Variants in VPS51 observed in about 807,000 individuals in gnomAD.
VPS51 encodes VPS51 subunit of GARP complex.
Under a neutral mutation model 65.1 loss-of-function variants are expected in VPS51, and 55 were observed. The observed-to-expected ratio is 0.84, with a 90% CI of 0.68 to 1.06. The LOEUF (loss-of-function observed/expected upper bound fraction) is 1.06. VPS51 is among the 50% of genes least tolerant of loss of function. VPS51 has a pLI of 0.00. For missense variants in VPS51, 943 were observed against 1,101.6 expected, an observed-to-expected ratio of 0.86 and a Z score of 2.04; for synonymous variants, 473 against 489.5, an observed-to-expected ratio of 0.97 and a Z score of 0.44.
In VPS51 at chr11:65,108,704, G is replaced by A. The variant is rs1382546939; in HGVS notation, c.1233G>A (p.Leu411=). The A allele has an allele frequency of 1.7e-5, 27 of 1,604,028 alleles. No individual in the cohort carries two copies. Among genetic ancestry groups the A allele is most frequent in the Non-Finnish European group, 2.2e-5 (26 of 1,177,866 alleles). ...RVARERLGHH[L]QGLRAAFLGC... ...CCCGCGAGCGCCTGGGCCACCACCT[G>A]CAGGGTCTCCGGGCGGCCTTCCTGG... Residue 411 remains leucine (L), a synonymous_variant, in exon 5 of 10, where the codon CTG becomes CTA. Coordinates refer to ENST00000279281, the MANE Select transcript of VPS51 (RefSeq NM_013265.4).
At chr11:65,106,729 C>T (rs899963631) in intron 2 of VPS51, among the ~76,000 whole-genome samples, 7 of 141,252 alleles carry the variant, frequency 5.0e-5, no homozygotes, top group African/African-American at 7.9e-5. Flanking sequence ...CCAGTCTGGG[C>T]GACAGAGCGA....
intron 2 of VPS51, among the ~76,000 whole-genome samples, chr11:65,102,086 C>A (rs1590810758): frequency 1.4e-5 from 2 of 145,054 alleles, no homozygotes; most frequent in African/African-American, 5.1e-5. Flanking sequence ...GTGGCCCAAT[C>A]GGCTCACTGC....
chr11:65,099,859 C>T (rs1010319069), intron 2 of VPS51, among the ~76,000 whole-genome samples: 8 of 152,058 alleles, frequency 5.3e-5, no homozygotes, highest in Admixed American at 4.6e-4. Context: ...TCTTAGCACT[C>T]TGAGAGGCCG....
chr11:65,108,284 G>A lies in VPS51; in HGVS notation c.813G>A (p.Glu271=), dbSNP rs1308028899. 1.2e-6 allele frequency: 2 copies of A among 1,601,994 alleles called. No homozygotes were observed. The highest frequency in any genetic ancestry group is 1.3e-5 in the African/African-American group (1 of 74,784). ...LGEPAEELCE[E]FLAHARGRLE... is the part of the protein sequence containing the mutation. ...AGCCTGCGGAGGAGCTGTGCGAGGA[G>A]TTCCTGGCGCACGCCCGCGGCCGGC... Residue 271 remains glutamate, a synonymous_variant, in exon 5 of 10, where the codon GAG becomes GAA. Coordinates refer to ENST00000279281, the MANE Select transcript of VPS51 (RefSeq NM_013265.4).
At chr11:65,102,861 G>T (rs990031407) in intron 2 of VPS51, among the ~76,000 whole-genome samples, 4 of 152,152 alleles carry the variant, frequency 2.6e-5, no homozygotes, top group Non-Finnish European at 5.9e-5. Context: ...AAATTTTCTT[G>T]CCAGGCACAG....
chr11:65,109,267 C>T lies in VPS51; in HGVS notation c.1444-13C>T, dbSNP rs1590813469. ...AGGGGACCTGCTGTGGACCTGGGCA[C>T]CTTCTCTTGCAGGGTGAGTTCTGCA... On this transcript the variant is annotated splice_polypyrimidine_tract_variant and intron_variant, in intron 5 of 9. Coordinates refer to ENST00000279281, the MANE Select transcript of VPS51 (RefSeq NM_013265.4). The T allele has an allele frequency of 6.2e-7, 1 of 1,605,556 alleles. No individual in the cohort carries two copies. The highest frequency in any genetic ancestry group is 8.5e-7 in the Non-Finnish European group (1 of 1,175,026).
At position 65,108,369 on chromosome 11, in the gene VPS51, G is replaced by A. The variant is rs918286942; in HGVS notation, c.898G>A (p.Val300Met). Residue 300 changes from valine to methionine, a missense_variant, in exon 5 of 10, where the codon GTG (valine) becomes ATG (methionine). Physicochemically the swap from Val to Met is conservative, Grantham distance 21. Coordinates refer to ENST00000279281, the MANE Select transcript of VPS51 (RefSeq NM_013265.4). ...ELGPSPPAPDVLEFTDHGGSG... is the reference protein window; with the variant it reads ...ELGPSPPAPDMLEFTDHGGSG... The stretch of plus-strand genomic sequence containing the variant: ...GGGGCCCTCACCTCCGGCTCCCGAC[G>A]TGTTAGAGTTCACCGACCATGGAGG... 2 of 1,612,146 alleles carry A rather than the reference G, an allele frequency of 1.2e-6. No homozygotes were observed. Among genetic ancestry groups the A allele is most frequent in the African/African-American group, 1.3e-5 (1 of 74,926 alleles).
rs1947850704 is a variant in VPS51 at position 65,107,573 on chromosome 11, CCTCCTA to C, written c.359-7_359-2del. 1 of 1,575,074 alleles carries C rather than the reference CCTCCTA, an allele frequency of 6.3e-7. No homozygotes were observed. Among genetic ancestry groups the C allele is most frequent in the South Asian group, 1.1e-5 (1 of 87,132 alleles). On this transcript the variant is annotated splice_acceptor_variant and splice_polypyrimidine_tract_variant and intron_variant, in intron 2 of 9. Transcript: ENST00000279281. LOFTEE classifies it high-confidence loss of function. This position sits in a 1 kb window ranked among gnomAD's most constrained non-coding sequence, Gnocchi z 4.0. ...GCTCTCCCCTTTTCCCCGCCCCTGC[CCTCCTA>C]GACACCATCCGGAAGATGAAGAACG...
rs566722846 is a variant in VPS51, at chr11:65,099,724, G to A, written c.358+2597G>A. 7.2e-5 allele frequency among the ~76,000 whole-genome samples: 11 copies of A among 152,284 alleles called. No individual in the cohort carries two copies. In the East Asian group the frequency reaches 1.9e-3, roughly 27 times the overall value. ...AGGTGGGTGGATCACATGAGCCCAGGAGCTGGAGATTGCAGTGAGCTATAA... is the reference window on the plus strand; with the variant it reads ...AGGTGGGTGGATCACATGAGCCCAGAAGCTGGAGATTGCAGTGAGCTATAA... On this transcript the variant is annotated intron_variant, in intron 2 of 9. Transcript: ENST00000279281.
At position 65,111,811 on chromosome 11, in the gene VPS51, C is replaced by T. The variant is rs1311885809; in HGVS notation, c.*224C>T. ...CCCCGAGCGCCGATTGGCTGGTGTGCTGGGCCCAGCATGGGCAGGGGGCGG... is the reference window on the plus strand; with the variant it reads ...CCCCGAGCGCCGATTGGCTGGTGTGTTGGGCCCAGCATGGGCAGGGGGCGG... On this transcript the variant is annotated 3_prime_UTR_variant, in exon 10 of 10. Transcript: ENST00000279281. The T allele has an allele frequency of 1.2e-5, 11 of 942,664 alleles. No homozygotes were observed. Among genetic ancestry groups the T allele is most frequent in the Non-Finnish European group, 1.4e-5 (9 of 645,922 alleles). 58.4% of individuals were successfully genotyped at this position (942,664 alleles called of 1,614,324 possible).
At chr11:65,110,988 C>T in intron 9 of VPS51, 1 of 679,966 alleles carries the variant, frequency 1.5e-6, no homozygotes. Context: ...TTGGTGTATG[C>T]CCAGCCTGAG....
At chr11:65,110,402 A>G (rs1178780438) in intron 7 of VPS51, 80 bp from the exon 8 acceptor site, 1 of 1,606,916 alleles carries the variant, frequency 6.2e-7, no homozygotes, top group Non-Finnish European at 8.5e-7. Context: ...TGAGTAGCTG[A>G]CTTAGGGCAT....
chr11:65,111,777 C>A lies in VPS51; in HGVS notation c.*190C>A. The A allele has an allele frequency of 9.0e-7, 1 of 1,106,380 alleles. No individual in the cohort carries two copies. The highest frequency in any genetic ancestry group is 1.3e-6 in the Non-Finnish European group (1 of 799,544). 68.5% of individuals were successfully genotyped at this position (1,106,380 alleles called of 1,614,324 possible). On this transcript the variant is annotated 3_prime_UTR_variant, in exon 10 of 10. Transcript: ENST00000279281. The stretch of plus-strand genomic sequence containing the variant: ...GCTGAGGCTTCTGAGGCGCCCGCGT[C>A]GGGTCCGCCCCCGAGCGCCGATTGG...
At chr11:65,108,955 T>G in intron 5 of VPS51, 41 bp downstream of exon 5, 1 of 1,603,660 alleles carries the variant, frequency 6.2e-7, no homozygotes, top group Non-Finnish European at 8.5e-7. Flanking sequence ...ACCTGCTGGT[T>G]GACCCTCCAA....
Position 65,096,481 on chromosome 11 carries a change from GT to G in VPS51, c.228+4del, listed in dbSNP as rs745629629. ...ACCCGGAAGTTTACCTAGACAAGGT[GT>G]GTGCGCACGGGGAGTGGGGGGGTGC... is the stretch of plus-strand genomic sequence containing the variant. On this transcript the variant is annotated splice_donor_region_variant and intron_variant, in intron 1 of 9. Transcript: ENST00000279281. The G allele has an allele frequency of 7.4e-7, 1 of 1,344,674 alleles. No homozygotes were observed. The highest frequency in any genetic ancestry group is 1.5e-5 in the African/African-American group (1 of 64,616). The allele number at this position is 1,344,674 out of a possible 1,614,324, so 83.3% of individuals were successfully genotyped here.
chr11:65,101,678 G>C (rs1035589330), intron 2 of VPS51, among the ~76,000 whole-genome samples: 1 of 144,298 alleles, frequency 6.9e-6, no homozygotes, highest in African/African-American at 2.5e-5. Context: ...GAGGTGGAAG[G>C]CTTGTACCTG....
chr11:65,111,137 C>A, intron 9 of VPS51, 190 bp from the exon 10 acceptor site: 2 of 884,490 alleles, frequency 2.3e-6, no homozygotes, highest in Non-Finnish European at 3.6e-6. Context: ...GATTGCTGGG[C>A]CCTACCTGTC....
chr11:65,096,267 C>T lies in VPS51; in HGVS notation c.17C>T (p.Ala6Val). ...GTTGGAACGATGGCGGCGGCAGCTG[C>T]CGCCGGGCCTAGCCCGGGGTCTGGA... The part of the protein sequence containing the change: MAAAA[A>V]AGPSPGSGPG... Residue 6 changes from alanine to valine, a missense_variant, in exon 1 of 10, where the codon GCC becomes GTC. Around this residue, in one of 2 missense-constraint regions of VPS51, gnomAD observed 855 missense variants for 953.7 expected, o/e 0.90. Coordinates refer to ENST00000279281, the MANE Select transcript of VPS51 (RefSeq NM_013265.4). The T allele has an allele frequency of 1.3e-6, 2 of 1,518,640 alleles. No homozygotes were observed. The allele number at this position is 1,518,640 out of a possible 1,614,324, so 94.1% of individuals were successfully genotyped here.
At chr11:65,105,042 G>A (rs1030849835) in intron 2 of VPS51, among the ~76,000 whole-genome samples, 10 of 152,018 alleles carry the variant, frequency 6.6e-5, no homozygotes, top group African/African-American at 2.2e-4. Context: ...TGTTTTCTTG[G>A]TATTTTACCC....
Sources: gnomAD v4.1 joint callset for allele counts (sites outside exome capture counted in the v4.1 genomes callset) on GRCh38, gnomAD v4.1.1 for gene constraint, gnomAD v4.1.1 regional missense constraint, Gnocchi (gnomAD v3.1) non-coding constraint, MANE v1.5 for transcripts, NCBI Gene and HGNC (gene_info 2026-07-23, HGNC 2026-07-21) for gene names.